LMX1B: variants seen among roughly 807,000 people sequenced by gnomAD.
The protein encoded by LMX1B is LIM homeobox transcription factor 1-beta.
A neutral mutation model predicts 51.4 loss-of-function variants in LMX1B; 12 were observed. The ratio of observed to expected loss-of-function variants is 0.23; its 90% CI spans 0.15 to 0.38. The LOEUF (loss-of-function observed/expected upper bound fraction) is 0.38, where lower values mean the gene tolerates loss of function less well. Among genes scored for constraint, LMX1B ranks in the 10% least tolerant of loss-of-function variants. The pLI is 1.00. For synonymous variants in LMX1B, 237 were observed against 235.4 expected (o/e 1.01, Z -0.06); for missense variants, 445 against 571.1 (o/e 0.78, Z 2.25).
intron 2 of LMX1B, among the ~76,000 whole-genome samples, chr9:126,678,912 A>G (rs190189010): frequency 6.6e-4 from 100 of 152,376 alleles, no homozygotes; most frequent in African/African-American, 2.3e-3. Flanking sequence ...CACTTGCTCA[A>G]AGAAAGTTTA....
At position 126,677,436 on chromosome 9, in the gene LMX1B, C is replaced by T. The variant is rs948108107; in HGVS notation, c.327-13400C>T. Among the ~76,000 whole-genome samples the T allele has an allele frequency of 6.6e-6, 1 of 152,166 alleles. No homozygotes were observed. The highest frequency in any genetic ancestry group is 2.4e-5 in the African/African-American group (1 of 41,426). On this transcript the variant is annotated intron_variant, in intron 2 of 7. Transcript: ENST00000373474. The surrounding 1 kb of genome is among the most constrained non-coding windows in gnomAD (Gnocchi z 5.0). Reference sequence around the variant, plus strand: ...TACTGCTATGTCTCCACAAAAAGCCCGGCACAACAGGTCACTGGCTAGAAG... The same window carrying T: ...TACTGCTATGTCTCCACAAAAAGCCTGGCACAACAGGTCACTGGCTAGAAG...
chr9:126,653,142 C>CT (rs5900715), intron 2 of LMX1B, among the ~76,000 whole-genome samples: 828 of 55,398 alleles, frequency 0.015, 188 homozygotes, highest in Non-Finnish European at 0.018. Flanking sequence ...CAAGTAGATG[C>CT]TTTTTTTTTT....
rs149537600 is a variant in LMX1B at position 126,679,634 on chromosome 9, C to T, written c.327-11202C>T. 3.8e-3 allele frequency among the ~76,000 whole-genome samples: 581 copies of T among 152,124 alleles called. 3 individuals carry two copies. The Middle Eastern group carries it at 0.048, about 12-fold the overall frequency. The stretch of plus-strand genomic sequence containing the variant: ...TGAGAAAAAGAGAGGTACGACCTAT[C>T]CTCCTTAGCACAACACACAAGGTGT... On this transcript the variant is annotated intron_variant, in intron 2 of 7. Transcript: ENST00000373474.
intron 2 of LMX1B, among the ~76,000 whole-genome samples, chr9:126,635,785 C>T (rs1049993120): frequency 6.6e-6 from 1 of 152,172 alleles, no homozygotes; most frequent in Non-Finnish European, 1.5e-5. Flanking sequence ...GGATTAGGGC[C>T]TGACTAAGTA....
chr9:126,690,465 A>G (rs1817811444), intron 2 of LMX1B, among the ~76,000 whole-genome samples: 2 of 152,204 alleles, frequency 1.3e-5, no homozygotes, highest in Admixed American at 6.5e-5. Context: ...GAGGCAGACC[A>G]GGGAGCTGAG....
Position 126,695,928 on chromosome 9 carries a change from C to G in LMX1B, c.976C>G (p.Pro326Ala), listed in dbSNP as rs1460473118. ...GCAGATCGTGGCCATGGAACAGAGC[C>G]CCTACGGCAGCAGCGACCCCTTCCA... ...QQQIVAMEQS[P>A]YGSSDPFQQG... The change falls in exon 7 of 8, where the codon CCC becomes GCC. Residue 326 changes from proline (P) to alanine (A), a missense_variant. By Grantham distance (27) the Pro-to-Ala change is conservative. This residue lies in a region of LMX1B where 162 missense variants were observed against 187.8 expected (regional missense o/e 0.86). Transcript: ENST00000373474. The surrounding 1 kb of genome is among the most constrained non-coding windows in gnomAD (Gnocchi z 5.2). 1.2e-5 allele frequency: 19 copies of G among 1,613,278 alleles called. No individual in the cohort carries two copies. Among genetic ancestry groups the G allele is most frequent in the East Asian group, 2.2e-5 (1 of 44,866 alleles).
intron 6 of LMX1B, 52 bp downstream of exon 6, chr9:126,693,864 CA>C: frequency 2.3e-6 from 2 of 875,076 alleles, no homozygotes; most frequent in Non-Finnish European, 3.6e-6. Context: ...GGGCCGGGGC[CA>C]GGGGTGGGCC....
rs546019223 is a variant in LMX1B, at chr9:126,689,472, C to A, written c.327-1364C>A. 2.0e-5 allele frequency among the ~76,000 whole-genome samples: 3 copies of A among 152,234 alleles called. No individual in the cohort carries two copies. The East Asian group carries it at 5.8e-4, about 29-fold the overall frequency. ...CAAGGTGGCGCCCGCAGACATGGCC[C>A]GGGGACGCCGGGAATGAAAAATGGT... On this transcript the variant is annotated intron_variant, in intron 2 of 7. Transcript: ENST00000373474.
chr9:126,639,630 C>G (rs1487290953), intron 2 of LMX1B, among the ~76,000 whole-genome samples: 1 of 152,212 alleles, frequency 6.6e-6, no homozygotes, highest in South Asian at 2.1e-4. Flanking sequence ...CGCAGCCTGG[C>G]CCCTTCCCAC....
In LMX1B at chr9:126,625,828, C is replaced by T. The variant is rs1835516107; in HGVS notation, c.326+10259C>T. ...ACGTCGCCGCCGTGCCTGAGCCCCG[C>T]TGCCTGCTCGGACAAGCAGAACTCC... On this transcript the variant is annotated intron_variant, in intron 2 of 7. Transcript: ENST00000373474. This position sits in a 1 kb window ranked among gnomAD's most constrained non-coding sequence, Gnocchi z 5.3. Among the ~76,000 whole-genome samples the T allele has an allele frequency of 6.6e-6, 1 of 152,218 alleles. No individual in the cohort carries two copies. Among genetic ancestry groups the T allele is most frequent in the African/African-American group, 2.4e-5 (1 of 41,460 alleles).
intron 2 of LMX1B, among the ~76,000 whole-genome samples, chr9:126,674,756 C>A (rs1351973082): frequency 6.6e-6 from 1 of 152,208 alleles, no homozygotes; most frequent in Non-Finnish European, 1.5e-5. Context: ...ACATGGCTCT[C>A]TGGTAACCCA....
At chr9:126,622,471 A>G (rs1835433702) in intron 2 of LMX1B, among the ~76,000 whole-genome samples, 2 of 152,164 alleles carry the variant, frequency 1.3e-5, no homozygotes, top group Non-Finnish European at 2.9e-5. Flanking sequence ...TGAGCTGAGC[A>G]TGCTGAGACA....
chr9:126,621,526 G>A (rs935567964), intron 2 of LMX1B, among the ~76,000 whole-genome samples: 2 of 152,222 alleles, frequency 1.3e-5, no homozygotes, highest in African/African-American at 4.8e-5. Flanking sequence ...CAAAGTGGCA[G>A]ACGTTTGCCA....
intron 2 of LMX1B, among the ~76,000 whole-genome samples, chr9:126,662,464 A>G (rs1282791639): frequency 6.6e-6 from 1 of 152,152 alleles, no homozygotes; most frequent in Non-Finnish European, 1.5e-5. Flanking sequence ...GCTTGAGGGT[A>G]GTGGCAGGGA....
At chr9:126,642,534 C>G in intron 2 of LMX1B, among the ~76,000 whole-genome samples, 1 of 152,236 alleles carries the variant, frequency 6.6e-6, no homozygotes, top group East Asian at 1.9e-4. Flanking sequence ...CCCCGAAGAG[C>G]CACCCCAGGT....
chr9:126,653,897 C>T (rs957734821), intron 2 of LMX1B, among the ~76,000 whole-genome samples: 2 of 152,178 alleles, frequency 1.3e-5, no homozygotes, highest in African/African-American at 2.4e-5. Flanking sequence ...CTGCATCAGG[C>T]CAATGGTTGG....
rs550690422 is a variant in LMX1B at position 126,671,450 on chromosome 9, G to A, written c.327-19386G>A. On this transcript the variant is annotated intron_variant, in intron 2 of 7. Transcript: ENST00000373474. The surrounding 1 kb of genome is among the most constrained non-coding windows in gnomAD (Gnocchi z 4.4). ...GGGCCGAGGGGCCCATCTTTGTTCC[G>A]AGCAGAGCTCAGACTGCAGAGTGGC... Among the ~76,000 whole-genome samples, 4 of 152,084 alleles carry A rather than the reference G, an allele frequency of 2.6e-5. No individual in the cohort carries two copies. The highest frequency in any genetic ancestry group is 2.1e-4 in the South Asian group (1 of 4,814).
rs1409872045 is a variant in LMX1B, at chr9:126,615,364, T to TTCGCCCTGTGCGCTACAGGCTC, written c.140-18_143dup. 1 of 1,551,456 alleles carries TTCGCCCTGTGCGCTACAGGCTC rather than the reference T, an allele frequency of 6.4e-7. No individual in the cohort carries two copies. The highest frequency in any genetic ancestry group is 1.4e-5 in the African/African-American group (1 of 70,042). On this transcript the variant is annotated intron_variant, in intron 1 of 7. Transcript: ENST00000373474. This position sits in a 1 kb window ranked among gnomAD's most constrained non-coding sequence, Gnocchi z 6.0. ...GCCGGGCGGCGCTGACGGCCGGGCT[T>TTCGCCCTGTGCGCTACAGGCTC]TCGCCCTGTGCGCTACAGGCTCCGA...
At chr9:126,644,442 C>T (rs888900439) in intron 2 of LMX1B, among the ~76,000 whole-genome samples, 1 of 152,136 alleles carries the variant, frequency 6.6e-6, no homozygotes, top group African/African-American at 2.4e-5. Context: ...TATTCTTCTC[C>T]CGCATAACTG....
Sources: gnomAD v4.1 joint callset for allele counts (sites outside exome capture counted in the v4.1 genomes callset) on GRCh38, gnomAD v4.1.1 for gene constraint, gnomAD v4.1.1 regional missense constraint, Gnocchi (gnomAD v3.1) non-coding constraint, MANE v1.5 for transcripts, NCBI Gene and HGNC (gene_info 2026-07-23, HGNC 2026-07-21) for gene names.